Variants in STAT1 observed in about 807,000 individuals in gnomAD.
STAT1 encodes the protein signal transducer and activator of transcription 1-alpha/beta.
STAT1 carries 24 observed loss-of-function variants against 111.7 expected under a neutral mutation model. The observed-to-expected ratio is 0.21, with a 90% CI of 0.16 to 0.30. The LOEUF (loss-of-function observed/expected upper bound fraction) is 0.30, where lower values mean the gene tolerates loss of function less well. STAT1 is among the 10% of genes least tolerant of loss of function. STAT1 has a pLI of 1.00. For missense variants in STAT1, 351 were observed against 911.9 expected, an observed-to-expected ratio of 0.38 and a Z score of 7.92; for synonymous variants, 332 against 326.5, an observed-to-expected ratio of 1.02 and a Z score of -0.18.
chr2:191,003,941 A>T lies in STAT1; in HGVS notation c.373-2778T>A, dbSNP rs1694482208. On this transcript the variant is annotated intron_variant, in intron 5 of 24. Coordinates refer to ENST00000361099, the MANE Select transcript of STAT1 (RefSeq NM_007315.4). The surrounding 1 kb of genome is among the most constrained non-coding windows in gnomAD (Gnocchi z 4.0). ...CCAAGGCTCGGTTTAGAGAACAGGGATATAAACAATGGCTGTAAAACAGCA... is the reference window on the plus strand; with the variant it reads ...CCAAGGCTCGGTTTAGAGAACAGGGTTATAAACAATGGCTGTAAAACAGCA... Among the ~76,000 whole-genome samples the T allele has an allele frequency of 6.6e-6, 1 of 152,200 alleles. No individual in the cohort carries two copies. The highest frequency in any genetic ancestry group is 1.5e-5 in the Non-Finnish European group (1 of 68,030).
chr2:190,982,558 G>A lies in STAT1; in HGVS notation c.1447-40C>T, dbSNP rs369271359. The A allele has an allele frequency of 5.7e-5, 92 of 1,611,472 alleles. No homozygotes were observed. Among genetic ancestry groups the A allele is most frequent in the South Asian group, 6.6e-5 (6 of 91,012 alleles). On this transcript the variant is annotated intron_variant, in intron 17 of 24. Transcript: ENST00000361099. This position sits in a 1 kb window ranked among gnomAD's most constrained non-coding sequence, Gnocchi z 7.3. ...CCCAAAATCTAAGGGTTACTACAGA[G>A]ACACCAGTCACAAGTGTGGCACTAA...
At position 190,995,559 on chromosome 2, in the gene STAT1, C is replaced by G. The variant is rs1244383843; in HGVS notation, c.786-340G>C. On this transcript the variant is annotated intron_variant, in intron 9 of 24. Transcript: ENST00000361099. This position sits in a 1 kb window ranked among gnomAD's most constrained non-coding sequence, Gnocchi z 4.2. ...TATTGGGGGAACCACCCCCATGATTCAATTATCTCCACCTGGCCCTGCCCT... is the reference window on the plus strand; with the variant it reads ...TATTGGGGGAACCACCCCCATGATTGAATTATCTCCACCTGGCCCTGCCCT... 1.3e-5 allele frequency among the ~76,000 whole-genome samples: 2 copies of G among 152,118 alleles called. No individual in the cohort carries two copies. Among genetic ancestry groups the G allele is most frequent in the Non-Finnish European group, 2.9e-5 (2 of 68,024 alleles).
In STAT1 at chr2:190,987,003, A is replaced by AAT. The variant is rs1162847493; in HGVS notation, c.1127+34_1127+35dup. ...GTCTTCCAACTATTAAATAAATAAA[A>AAT]ATATAGCACAGTATAGCGTAAAGTA... is the stretch of plus-strand genomic sequence containing the variant. On this transcript the variant is annotated intron_variant, in intron 13 of 24. Coordinates refer to ENST00000361099, the MANE Select transcript of STAT1 (RefSeq NM_007315.4). This position sits in a 1 kb window ranked among gnomAD's most constrained non-coding sequence, Gnocchi z 4.0. The AAT allele has an allele frequency of 1.9e-6, 3 of 1,611,546 alleles. No homozygotes were observed. The African/African-American group carries it at 4.0e-5, about 21-fold the overall frequency.
intron 2 of STAT1, among the ~76,000 whole-genome samples, chr2:191,011,023 G>C (rs1175025707): frequency 6.6e-6 from 1 of 152,294 alleles, no homozygotes; most frequent in East Asian, 1.9e-4. Flanking sequence ...CAGACCTCTG[G>C]GGAAGGAGTC....
At position 190,976,808 on chromosome 2, in the gene STAT1, C is replaced by CCGTGGCACAGTTACCGTGCCGTGG; in HGVS notation, c.2059+31_2059+32insCCACGGCACGGTAACTGTGCCACG. The CCGTGGCACAGTTACCGTGCCGTGG allele has an allele frequency of 6.3e-7, 1 of 1,589,186 alleles. No individual in the cohort carries two copies. The highest frequency in any genetic ancestry group is 8.6e-7 in the Non-Finnish European group (1 of 1,157,376). On this transcript the variant is annotated intron_variant, in intron 22 of 24. Coordinates refer to ENST00000361099, the MANE Select transcript of STAT1 (RefSeq NM_007315.4). This position sits in a 1 kb window ranked among gnomAD's most constrained non-coding sequence, Gnocchi z 6.0. ...CACCCCCTCATCAGGAAAGACTGTG[C>CCGTGGCACAGTTACCGTGCCGTGG]CACGCTGTTACCACCTGCTTGCCCC...
chr2:190,998,378 AT>A lies in STAT1; in HGVS notation c.542-71del. 7.8e-7 allele frequency: 1 copy of A among 1,284,576 alleles called. No individual in the cohort carries two copies. The highest frequency in any genetic ancestry group is 1.1e-6 in the Non-Finnish European group (1 of 886,428). The allele number at this position is 1,284,576 out of a possible 1,614,324, so 79.6% of individuals were successfully genotyped here. The stretch of plus-strand genomic sequence containing the variant: ...CCAACAAAAGCCAAGATTCATATAA[AT>A]TTAGGATAAATATGACACAAATGCT... On this transcript the variant is annotated intron_variant, in intron 7 of 24. Coordinates refer to ENST00000361099, the MANE Select transcript of STAT1 (RefSeq NM_007315.4). The surrounding 1 kb of genome is among the most constrained non-coding windows in gnomAD (Gnocchi z 4.1).
In STAT1 at chr2:190,993,350, A is replaced by C. The variant is rs951918515; in HGVS notation, c.944+1711T>G. 6.7e-6 allele frequency: 7 copies of C among 1,044,726 alleles called. No homozygotes were observed. Among genetic ancestry groups the C allele is most frequent in the Non-Finnish European group, 5.8e-6 (4 of 687,610 alleles). The allele number at this position is 1,044,726 out of a possible 1,614,324, so 64.7% of individuals were successfully genotyped here. On this transcript the variant is annotated intron_variant, in intron 10 of 24. Transcript: ENST00000361099. The surrounding 1 kb of genome is among the most constrained non-coding windows in gnomAD (Gnocchi z 4.1). Reference sequence around the variant, plus strand: ...GTAATAACTGGAGATGACTGTTCGAAACCTTTCCTGTTCTGCTGTGTTCCA... The same window carrying C: ...GTAATAACTGGAGATGACTGTTCGACACCTTTCCTGTTCTGCTGTGTTCCA...
rs1407375784 is a variant in STAT1 at position 190,999,808 on chromosome 2, T to G, written c.463-104A>C. On this transcript the variant is annotated intron_variant, in intron 6 of 24. Transcript: ENST00000361099. This position sits in a 1 kb window ranked among gnomAD's most constrained non-coding sequence, Gnocchi z 4.1. ...GGAACCCAGAGAAACACGAAAACAA[T>G]TCCATCTCCCCCAAAAAGAGATCTG... The G allele has an allele frequency of 1.3e-6, 1 of 776,092 alleles. No individual in the cohort carries two copies. The highest frequency in any genetic ancestry group is 2.2e-6 in the Non-Finnish European group (1 of 447,094). 48.1% of individuals were successfully genotyped at this position (776,092 alleles called of 1,614,324 possible).
In STAT1 at chr2:190,969,386, C is replaced by G. The variant is rs368576923; in HGVS notation, c.*1317G>C. The G allele has an allele frequency of 6.6e-6, 1 of 152,120 alleles. No homozygotes were observed. The highest frequency in any genetic ancestry group is 1.5e-5 in the Non-Finnish European group (1 of 68,004). 9.4% of individuals were successfully genotyped at this position (152,120 alleles called of 1,614,324 possible). A position where few individuals can be genotyped will look rare whatever the true frequency, so the allele number is the denominator to read the frequency against. On this transcript the variant is annotated 3_prime_UTR_variant, in exon 25 of 25. Transcript: ENST00000361099. ...TTATCTCCACCAAAGAAGAATACAG[C>G]ATTTGCATGATAATATAGTTGTGGT...
Position 190,989,542 on chromosome 2 carries a change from G to C in STAT1, c.1097+73C>G, listed in dbSNP as rs1288341598. On this transcript the variant is annotated intron_variant, in intron 12 of 24. Coordinates refer to ENST00000361099, the MANE Select transcript of STAT1 (RefSeq NM_007315.4). The surrounding 1 kb of genome is among the most constrained non-coding windows in gnomAD (Gnocchi z 5.0). Reference sequence around the variant, plus strand: ...CTAGAAATCTGCTTATTTAGTGGAGGAATCTGTGCTTGAGTAACAAAATCA... The same window carrying C: ...CTAGAAATCTGCTTATTTAGTGGAGCAATCTGTGCTTGAGTAACAAAATCA... 2.9e-5 allele frequency: 29 copies of C among 1,010,544 alleles called. No individual in the cohort carries two copies. The highest frequency in any genetic ancestry group is 4.2e-5 in the Non-Finnish European group (28 of 669,016). The allele number at this position is 1,010,544 out of a possible 1,614,324, so 62.6% of individuals were successfully genotyped here.
Position 190,993,804 on chromosome 2 carries a change from C to A in STAT1, c.944+1257G>T, listed in dbSNP as rs1693591418. Among the ~76,000 whole-genome samples the A allele has an allele frequency of 6.6e-6, 1 of 150,930 alleles. No homozygotes were observed. Among genetic ancestry groups the A allele is most frequent in the South Asian group, 2.1e-4 (1 of 4,784 alleles). ...CAAGTTTGCATTAAAAAAAAAAAAACTTGCAATATGAACCCTTCTTTTCCA... is the reference window on the plus strand; with the variant it reads ...CAAGTTTGCATTAAAAAAAAAAAAAATTGCAATATGAACCCTTCTTTTCCA... On this transcript the variant is annotated intron_variant, in intron 10 of 24. Transcript: ENST00000361099. The surrounding 1 kb of genome is among the most constrained non-coding windows in gnomAD (Gnocchi z 4.1).
rs778526635 is a variant in STAT1, at chr2:191,012,067, G to A, written c.-2+1458C>T. On this transcript the variant is annotated intron_variant, in intron 2 of 24. Transcript: ENST00000361099. The surrounding 1 kb of genome is among the most constrained non-coding windows in gnomAD (Gnocchi z 4.0). ...CACCCTGCCACAGTTGGTTCTTAAG[G>A]CTGGTTGAGCTAGTACATATGTAGC... Among the ~76,000 whole-genome samples the A allele has an allele frequency of 6.6e-6, 1 of 151,802 alleles. No homozygotes were observed. Among genetic ancestry groups the A allele is most frequent in the Non-Finnish European group, 1.5e-5 (1 of 67,968 alleles).
chr2:190,975,887 G>A lies in STAT1; in HGVS notation c.2060C>T (p.Ala687Val). Residue 687 changes from alanine (A) to valine (V), a missense_variant and splice_region_variant, in exon 23 of 25, where the codon GCA (alanine) becomes GTA (valine). Around this residue, in one of 7 missense-constraint regions of STAT1, gnomAD observed 181 missense variants for 426.1 expected, o/e 0.42. Transcript: ENST00000361099. This position sits in a 1 kb window ranked among gnomAD's most constrained non-coding sequence, Gnocchi z 5.9. ...FGKYYSRPKE[A>V]PEPMELDGPK... ...GCCATCAAGTTCCATTGGCTCTGGT[G>A]CTAGAAATAAACACATTGTGTACGC... 1 of 1,612,754 alleles carries A rather than the reference G, an allele frequency of 6.2e-7. No individual in the cohort carries two copies. The highest frequency in any genetic ancestry group is 8.5e-7 in the Non-Finnish European group (1 of 1,178,756).
rs1361570092 is a variant in STAT1, at chr2:190,980,105, T to C, written c.1633-239A>G. Among the ~76,000 whole-genome samples, 2 of 152,216 alleles carry C rather than the reference T, an allele frequency of 1.3e-5. No homozygotes were observed. Among genetic ancestry groups the C allele is most frequent in the Admixed American group, 1.3e-4 (2 of 15,286 alleles). On this transcript the variant is annotated intron_variant, in intron 19 of 24. Transcript: ENST00000361099. The surrounding 1 kb of genome is among the most constrained non-coding windows in gnomAD (Gnocchi z 6.1). Reference sequence around the variant, plus strand: ...TTCCCTGGGCCGGGCTCTGCTTCCCTTTCCAAACAGTAGCAAGCTAGCCTG... The same window carrying C: ...TTCCCTGGGCCGGGCTCTGCTTCCCCTTCCAAACAGTAGCAAGCTAGCCTG...
Position 190,979,060 on chromosome 2 carries a change from T to G in STAT1, c.1728-59A>C. On this transcript the variant is annotated intron_variant, in intron 20 of 24. Coordinates refer to ENST00000361099, the MANE Select transcript of STAT1 (RefSeq NM_007315.4). The surrounding 1 kb of genome is among the most constrained non-coding windows in gnomAD (Gnocchi z 5.8). Reference sequence around the variant, plus strand: ...AGTTCAATCATGATTTCCATTTTCATGCTAACTTACAAACCAAGAAAATGG... The same window carrying G: ...AGTTCAATCATGATTTCCATTTTCAGGCTAACTTACAAACCAAGAAAATGG... 1 of 1,608,406 alleles carries G rather than the reference T, an allele frequency of 6.2e-7. No individual in the cohort carries two copies. Among genetic ancestry groups the G allele is most frequent in the Admixed American group, 1.7e-5 (1 of 59,636 alleles).
intron 5 of STAT1, among the ~76,000 whole-genome samples, chr2:191,002,902 C>T (rs2125084747): frequency 6.6e-6 from 1 of 152,188 alleles, no homozygotes; most frequent in African/African-American, 2.4e-5. Context: ...GAAGTAAATG[C>T]TTTTTTCTCC....
chr2:190,979,999 ATCCCTCCCCTGGCAGGGAATATCAAGT>A lies in STAT1; in HGVS notation c.1633-160_1633-134del, dbSNP rs1306864801. 22 of 690,354 alleles carry A rather than the reference ATCCCTCCCCTGGCAGGGAATATCAAGT, an allele frequency of 3.2e-5. No homozygotes were observed. Among genetic ancestry groups the A allele is most frequent in the South Asian group, 3.0e-4 (19 of 64,212 alleles). 42.8% of individuals were successfully genotyped at this position (690,354 alleles called of 1,614,324 possible). On this transcript the variant is annotated intron_variant, in intron 19 of 24. Coordinates refer to ENST00000361099, the MANE Select transcript of STAT1 (RefSeq NM_007315.4). The surrounding 1 kb of genome is among the most constrained non-coding windows in gnomAD (Gnocchi z 5.8). ...CTGTCCCATTCAGCACAGCAATGGGATCCCTCCCCTGGCAGGGAATATCAAGTTCCCTCCCCGCTCTTATCAGCATTC... is the reference window on the plus strand; with the variant it reads ...CTGTCCCATTCAGCACAGCAATGGGATCCCTCCCCGCTCTTATCAGCATTC...
intron 10 of STAT1, chr2:190,992,550 C>T: frequency 2.8e-6 from 1 of 359,970 alleles, no homozygotes; most frequent in Non-Finnish European, 4.7e-6. Flanking sequence ...TGTAGTGCAG[C>T]TACATACAGT....
At position 190,993,263 on chromosome 2, in the gene STAT1, A is replaced by T. The variant is rs1693530437; in HGVS notation, c.944+1798T>A. On this transcript the variant is annotated intron_variant, in intron 10 of 24. Transcript: ENST00000361099. The surrounding 1 kb of genome is among the most constrained non-coding windows in gnomAD (Gnocchi z 4.1). ...ATCTATTTTCTGCAGTCACTGTTTA[A>T]TATTATTGAAGGACTCCTGATCTGT... 1 of 609,292 alleles carries T rather than the reference A, an allele frequency of 1.6e-6. No individual in the cohort carries two copies. Among genetic ancestry groups the T allele is most frequent in the Non-Finnish European group, 3.1e-6 (1 of 324,664 alleles). 37.7% of individuals were successfully genotyped at this position (609,292 alleles called of 1,614,324 possible).
Sources: gnomAD v4.1 joint callset for allele counts (sites outside exome capture counted in the v4.1 genomes callset) on GRCh38, gnomAD v4.1.1 for gene constraint, gnomAD v4.1.1 regional missense constraint, Gnocchi (gnomAD v3.1) non-coding constraint, MANE v1.5 for transcripts, NCBI Gene and HGNC (gene_info 2026-07-23, HGNC 2026-07-21) for gene names.